The following DUSP16 variants were observed in gnomAD, a reference collection of about 807,000 sequenced individuals.
The protein encoded by DUSP16 is dual specificity protein phosphatase 16.
DUSP16 carries 21 observed loss-of-function variants against 58.3 expected under a neutral mutation model. The ratio of observed to expected loss-of-function variants is 0.36; its 90% CI spans 0.26 to 0.52. The LOEUF (loss-of-function observed/expected upper bound fraction) is 0.52. Ranked by LOEUF, DUSP16 falls within the 20% of genes least tolerant of loss-of-function variation. The pLI is 0.94. For synonymous variants in DUSP16, 320 were observed against 323.8 expected, an observed-to-expected ratio of 0.99 and a Z score of 0.12; for missense variants, 726 against 819.0, an observed-to-expected ratio of 0.89 and a Z score of 1.39.
chr12:12,552,194 C>T (rs1012831549), intron 1 of DUSP16, among the ~76,000 whole-genome samples: 2 of 151,800 alleles, frequency 1.3e-5, no homozygotes, highest in Non-Finnish European at 2.9e-5. Context: ...GCCTGTAATC[C>T]CAGAAATTTG....
At chr12:12,551,460 T>TA (rs61650727) in intron 1 of DUSP16, among the ~76,000 whole-genome samples, 49,024 of 133,958 alleles carry the variant, frequency 0.37, 9,980 homozygotes, top group Non-Finnish European at 0.46. Context: ...GAGACTGTAT[T>TA]AAAAAAAAAA....
In DUSP16 at chr12:12,477,848, T is replaced by A. The variant is rs1181908033; in HGVS notation, c.983A>T (p.Glu328Val). 1 of 1,614,104 alleles carries A rather than the reference T, an allele frequency of 6.2e-7. No individual in the cohort carries two copies. The highest frequency in any genetic ancestry group is 1.7e-5 in the Admixed American group (1 of 60,000). Reference sequence around the variant, plus strand: ...GGGCGTCTCGCTTTTCTGTCCACCCTCTGAGACAGCAGGGACAGGTTCATT... The same window carrying A: ...GGGCGTCTCGCTTTTCTGTCCACCCACTGAGACAGCAGGGACAGGTTCATT... Reference protein sequence around the residue: ...KPNEPVPAVSEGGQKSETPLS... With the variant: ...KPNEPVPAVSVGGQKSETPLS... The change falls in exon 7 of 7, where the codon GAG becomes GTG. Residue 328 changes from glutamate to valine, a missense_variant. Glu to Val is a moderately radical substitution (Grantham distance 121). Transcript: ENST00000298573. The surrounding 1 kb of genome is among the most constrained non-coding windows in gnomAD (Gnocchi z 4.1).
At chr12:12,484,406 A>G (rs1019458775) in intron 5 of DUSP16, among the ~76,000 whole-genome samples, 1 of 152,214 alleles carries the variant, frequency 6.6e-6, no homozygotes, top group Admixed American at 6.5e-5. Context: ...AATATCTTCC[A>G]TGAAAGGAAA....
intron 4 of DUSP16, among the ~76,000 whole-genome samples, chr12:12,499,649 G>A (rs1943881831): frequency 6.6e-6 from 1 of 152,220 alleles, no homozygotes; most frequent in Non-Finnish European, 1.5e-5. Flanking sequence ...AGGAGAACGT[G>A]TTAAGGGGTT....
At chr12:12,547,225 T>C (rs957277401) in intron 1 of DUSP16, among the ~76,000 whole-genome samples, 1 of 151,814 alleles carries the variant, frequency 6.6e-6, no homozygotes, top group Non-Finnish European at 1.5e-5. Flanking sequence ...GGTCAGGAGT[T>C]TGAGACCAGC....
At chr12:12,485,816 C>CA (rs1195300007) in intron 5 of DUSP16, among the ~76,000 whole-genome samples, 3 of 94,674 alleles carry the variant, frequency 3.2e-5, no homozygotes, top group Admixed American at 1.4e-4. Flanking sequence ...TTTTTGGAGA[C>CA]AGAGTCTCAC....
At chr12:12,548,473 T>C (rs1268779657) in intron 1 of DUSP16, among the ~76,000 whole-genome samples, 1 of 150,764 alleles carries the variant, frequency 6.6e-6, no homozygotes, top group Non-Finnish European at 1.5e-5. Context: ...CTCTACTAAA[T>C]ATACAAAAAT....
In DUSP16 at chr12:12,474,687, A is replaced by G. The variant is rs1943387457; in HGVS notation, c.*2146T>C. The G allele has an allele frequency of 6.6e-6, 1 of 152,218 alleles. No homozygotes were observed. Among genetic ancestry groups the G allele is most frequent in the Non-Finnish European group, 1.5e-5 (1 of 68,048 alleles). The allele number at this position is 152,218 out of a possible 1,614,324, so 9.4% of individuals were successfully genotyped here. On this transcript the variant is annotated 3_prime_UTR_variant, in exon 7 of 7. Transcript: ENST00000298573. ...AGAAGGAAGGGGGACCATGGCCAAG[A>G]GAAGCCCTAAATGACAGAAGCTCAT...
Position 12,475,011 on chromosome 12 carries a change from C to T in DUSP16, c.*1822G>A, listed in dbSNP as rs1007238189. ...CCCATCATAGCACATTATTTGTGCA[C>T]AACTAGTGAGGTCTGTGCGGCTCAT... On this transcript the variant is annotated 3_prime_UTR_variant, in exon 7 of 7. Coordinates refer to ENST00000298573, the MANE Select transcript of DUSP16 (RefSeq NM_030640.3). 2 of 152,218 alleles carry T rather than the reference C, an allele frequency of 1.3e-5. No individual in the cohort carries two copies. The highest frequency in any genetic ancestry group is 2.4e-5 in the African/African-American group (1 of 41,438). The allele number at this position is 152,218 out of a possible 1,614,324, so 9.4% of individuals were successfully genotyped here.
At chr12:12,529,296 G>A (rs540956228) in intron 1 of DUSP16, among the ~76,000 whole-genome samples, 2 of 151,916 alleles carry the variant, frequency 1.3e-5, no homozygotes, top group Non-Finnish European at 2.9e-5. Flanking sequence ...TTCTTGTAGA[G>A]ACGGGGTCTC....
chr12:12,538,240 T>C (rs1944499350), intron 1 of DUSP16, among the ~76,000 whole-genome samples: 1 of 152,196 alleles, frequency 6.6e-6, no homozygotes, highest in Non-Finnish European at 1.5e-5. Flanking sequence ...CAAGACCTAC[T>C]GATTTTCAGT....
At chr12:12,482,123 T>C (rs1349023204) in intron 5 of DUSP16, among the ~76,000 whole-genome samples, 1 of 152,208 alleles carries the variant, frequency 6.6e-6, no homozygotes, top group African/African-American at 2.4e-5. Flanking sequence ...GACAATACTC[T>C]CTCATTAATT....
At chr12:12,546,338 A>C (rs1944640771) in intron 1 of DUSP16, among the ~76,000 whole-genome samples, 1 of 152,242 alleles carries the variant, frequency 6.6e-6, no homozygotes, top group Admixed American at 6.5e-5. Context: ...AAGTAGCCCC[A>C]AAGGGCCTAG....
chr12:12,491,252 T>C (rs919820106), intron 4 of DUSP16: 3 of 151,852 alleles, frequency 2.0e-5, no homozygotes, highest in Admixed American at 2.0e-4. Flanking sequence ...GGTCCCACCA[T>C]GTTGTCCAGG....
chr12:12,502,936 G>C (rs1943930681), intron 3 of DUSP16, among the ~76,000 whole-genome samples: 1 of 151,916 alleles, frequency 6.6e-6, no homozygotes, highest in African/African-American at 2.4e-5. Context: ...TGCACACGTA[G>C]AAGCCACGGT....
chr12:12,478,840 G>A (rs912320533), intron 6 of DUSP16, among the ~76,000 whole-genome samples: 1 of 152,174 alleles, frequency 6.6e-6, no homozygotes, highest in East Asian at 1.9e-4. Flanking sequence ...AAGTATCAAA[G>A]CAACACTTCT....
chr12:12,548,846 C>T (rs572300125), intron 1 of DUSP16, among the ~76,000 whole-genome samples: 13 of 151,908 alleles, frequency 8.6e-5, no homozygotes, highest in African/African-American at 2.9e-4. Flanking sequence ...GGTCTGCAAT[C>T]GTGGAGAAAA....
chr12:12,558,335 T>C (rs1214128640), intron 1 of DUSP16, among the ~76,000 whole-genome samples: 1 of 152,002 alleles, frequency 6.6e-6, no homozygotes, highest in Non-Finnish European at 1.5e-5. Context: ...CATTCTCATA[T>C]AAGTAATGCT....
rs147967183 is a variant in DUSP16 at position 12,473,366 on chromosome 12, C to T, written c.*3467G>A. On this transcript the variant is annotated 3_prime_UTR_variant, in exon 7 of 7. Transcript: ENST00000298573. ...GCTGAGGCTGGTCATGAAGGGGCTC[C>T]GAGCACTGTCAGCAACTGGCCTGAA... Among the ~76,000 whole-genome samples, 17 of 152,274 alleles carry T rather than the reference C, an allele frequency of 1.1e-4. No homozygotes were observed. In the East Asian group the frequency reaches 2.7e-3, roughly 24 times the overall value.
Sources: allele counts gnomAD v4.1 joint callset (sites outside exome capture counted in the v4.1 genomes callset), GRCh38; gene constraint gnomAD v4.1.1; non-coding constraint Gnocchi (gnomAD v3.1); transcripts MANE v1.5; gene names NCBI Gene and HGNC (gene_info 2026-07-23, HGNC 2026-07-21).